Variants in REPS2 observed in about 807,000 individuals in gnomAD.
REPS2 encodes the protein RALBP1 associated Eps domain containing 2.
REPS2 carries 23 observed loss-of-function variants against 53.6 expected under a neutral mutation model. That is an observed-to-expected ratio of 0.43 (90% CI 0.31 to 0.61). REPS2 has a LOEUF of 0.61. Ranked by LOEUF, REPS2 falls within the 20% of genes least tolerant of loss-of-function variation. The pLI is 0.11. For synonymous variants in REPS2, 238 were observed against 218.6 expected (o/e 1.09, Z -0.78); for missense variants, 446 against 534.9 (o/e 0.83, Z 1.64).
chrX:17,030,570 G>A (rs1240692680), intron 5 of REPS2, among the ~76,000 whole-genome samples: 3 of 112,091 alleles, frequency 2.7e-5, no homozygotes, highest in East Asian at 5.5e-4. Context: ...ACCTTCTGGG[G>A]ATGGGGCACT....
intron 9 of REPS2, among the ~76,000 whole-genome samples, chrX:17,067,887 C>A (rs901146503): frequency 1.2e-4 from 13 of 112,073 alleles, no homozygotes; most frequent in Admixed American, 4.7e-4. Flanking sequence ...TAATCTGAAT[C>A]ATTTTTTTCC....
At chrX:17,058,974 G>A (rs1764967438) in intron 8 of REPS2, among the ~76,000 whole-genome samples, 1 of 108,944 alleles carries the variant, frequency 9.2e-6, no homozygotes. Flanking sequence ...CATTTTAATG[G>A]CATCTCATTT....
chrX:17,054,975 A>G, intron 8 of REPS2, 25 bp downstream of exon 8: 1 of 1,188,843 alleles, frequency 8.4e-7, no homozygotes, highest in Admixed American at 2.3e-5. Context: ...TCAACTGTAA[A>G]CCTTAAGTAC....
intron 14 of REPS2, among the ~76,000 whole-genome samples, chrX:17,115,452 G>A (rs1488509649): frequency 1.8e-5 from 2 of 112,224 alleles, no homozygotes; most frequent in African/African-American, 3.2e-5. Flanking sequence ...TTTATACCGA[G>A]ACATTCCATT....
chrX:17,067,408 T>C (rs940733582), intron 9 of REPS2, among the ~76,000 whole-genome samples: 3 of 112,115 alleles, frequency 2.7e-5, no homozygotes, highest in Non-Finnish European at 5.6e-5. Flanking sequence ...CATAGTTACC[T>C]TTTTTTGGTG....
chrX:17,141,866 A>G (rs1369743476), intron 17 of REPS2, among the ~76,000 whole-genome samples: 1 of 112,466 alleles, frequency 8.9e-6, no homozygotes, highest in Non-Finnish European at 1.9e-5. Flanking sequence ...CAAAACCAAT[A>G]AAAATCCCAG....
chrX:17,059,872 T>C (rs1370219488), intron 8 of REPS2, among the ~76,000 whole-genome samples: 1 of 109,666 alleles, frequency 9.1e-6, no homozygotes, highest in Non-Finnish European at 1.9e-5. Flanking sequence ...AAGGACAGAG[T>C]TGTATTAGTT....
At chrX:16,975,012 C>T (rs1215852110) in intron 1 of REPS2, among the ~76,000 whole-genome samples, 1 of 111,487 alleles carries the variant, frequency 9.0e-6, no homozygotes, top group Non-Finnish European at 1.9e-5. Context: ...TAATGGCCCC[C>T]AGCTCCATCC....
intron 1 of REPS2, among the ~76,000 whole-genome samples, chrX:16,997,935 C>T (rs965241471): frequency 2.7e-5 from 3 of 111,566 alleles, no homozygotes; most frequent in Non-Finnish European, 3.8e-5. Context: ...CCTAGCACTT[C>T]GGGAGGCCAA....
chrX:17,041,146 A>G (rs1234494259), intron 5 of REPS2, among the ~76,000 whole-genome samples: 1 of 111,844 alleles, frequency 8.9e-6, no homozygotes, highest in Non-Finnish European at 1.9e-5. Flanking sequence ...CAGTGGGCAC[A>G]TAGGAAAGAG....
chrX:16,965,430 G>A (rs1230344651), intron 1 of REPS2, among the ~76,000 whole-genome samples: 2 of 112,381 alleles, frequency 1.8e-5, no homozygotes, highest in Admixed American at 9.2e-5. Context: ...CTTCCCAGAC[G>A]GGGTGGCTGC....
At chrX:17,028,447 T>C (rs770369147) in intron 4 of REPS2, among the ~76,000 whole-genome samples, 1 of 112,725 alleles carries the variant, frequency 8.9e-6, no homozygotes, top group South Asian at 3.6e-4. Context: ...ATGTATGTTT[T>C]GCAGTTTTTA....
the REPS2 span, among the ~76,000 whole-genome samples, chrX:17,171,021 C>G: frequency 1.8e-5 from 2 of 113,018 alleles, no homozygotes; most frequent in Non-Finnish European, 3.7e-5. Context: ...GTCTGGCTGG[C>G]AGGGTGTTTG....
chrX:17,149,214 C>T lies in REPS2; in HGVS notation c.*1733C>T, dbSNP rs1160294513. ...GAAGGGTTGGGAGTAAGTTTAAACT[C>T]TTCCGAAGATTATGAATGGGTCAGC... is the stretch of plus-strand genomic sequence containing the variant. On this transcript the variant is annotated 3_prime_UTR_variant, in exon 18 of 18. Coordinates refer to ENST00000357277, the MANE Select transcript of REPS2 (RefSeq NM_004726.3). 5 of 222,120 alleles carry T rather than the reference C, an allele frequency of 2.3e-5. No homozygotes were observed. The highest frequency in any genetic ancestry group is 1.5e-4 in the African/African-American group (5 of 33,786). 18.3% of individuals were successfully genotyped at this position (222,120 alleles called of 1,213,427 possible).
At chrX:17,029,644 A>G (rs2061684779) in intron 5 of REPS2, 21 bp downstream of exon 5, 7 of 1,105,389 alleles carry the variant, frequency 6.3e-6, no homozygotes, top group Non-Finnish European at 7.5e-6. Flanking sequence ...ATGCAGGGTT[A>G]TGCCAATGGG....
At position 17,108,681 on chromosome X, in the gene REPS2, T is replaced by C. The variant is rs746797708; in HGVS notation, c.1578+4902T>C. ...TTCTATTAGCACCACATTTGATAAA[T>C]TGGGGTTCCCTGCAGACTAATGTGC... is the stretch of plus-strand genomic sequence containing the variant. On this transcript the variant is annotated intron_variant, in intron 14 of 17. Coordinates refer to ENST00000357277, the MANE Select transcript of REPS2 (RefSeq NM_004726.3). Among the ~76,000 whole-genome samples, 7 of 111,621 alleles carry C rather than the reference T, an allele frequency of 6.3e-5. 1 individual carries two copies. The South Asian group carries it at 2.6e-3, about 42-fold the overall frequency.
intron 14 of REPS2, among the ~76,000 whole-genome samples, chrX:17,104,288 G>A (rs952711772): frequency 2.5e-4 from 28 of 111,839 alleles, no homozygotes; most frequent in African/African-American, 9.1e-4. Context: ...GCAGGAGGGG[G>A]AGAACATGTC....
At chrX:17,119,529 A>T (rs1480742175) in intron 14 of REPS2, among the ~76,000 whole-genome samples, 1 of 111,951 alleles carries the variant, frequency 8.9e-6, no homozygotes, top group Non-Finnish European at 1.9e-5. Flanking sequence ...GTAGGCCCAC[A>T]GTTTGCTGAG....
intron 13 of REPS2, among the ~76,000 whole-genome samples, chrX:17,080,663 A>G (rs1421580925): frequency 2.7e-5 from 3 of 112,151 alleles, no homozygotes; most frequent in South Asian, 3.7e-4. Flanking sequence ...TTTCCTCACA[A>G]TCTTGCCAAC....
Sources: allele counts gnomAD v4.1 joint callset (sites outside exome capture counted in the v4.1 genomes callset), GRCh38; gene constraint gnomAD v4.1.1; transcripts MANE v1.5; gene names NCBI Gene and HGNC (gene_info 2026-07-23, HGNC 2026-07-21).